The following PHTF2 variants were observed in gnomAD, a reference collection of about 807,000 sequenced individuals.
PHTF2 encodes putative homeodomain transcription factor 2, also known as protein PHTF2.
PHTF2 carries 60 observed loss-of-function variants against 101.2 expected under a neutral mutation model. The ratio of observed to expected loss-of-function variants is 0.59; its 90% CI spans 0.48 to 0.73. The LOEUF is 0.73. PHTF2 is among the 30% of genes least tolerant of loss of function. The probability of loss-of-function intolerance (pLI) is 0.00; values close to 1 mark genes in which losing one functional copy is unlikely to be tolerated. For missense variants in PHTF2, 747 were observed against 908.7 expected (o/e 0.82, Z 2.29); for synonymous variants, 311 against 307.3 (o/e 1.01, Z -0.13).
Position 77,922,788 on chromosome 7 carries a change from T to TAA in PHTF2, c.1119+10_1119+11insAA. 6.4e-7 allele frequency: 1 copy of TAA among 1,559,408 alleles called. No homozygotes were observed. The highest frequency in any genetic ancestry group is 8.8e-7 in the Non-Finnish European group (1 of 1,142,166). ...ACATTACCCTAATGAGGTATATACT[T>TAA]TGTCCTTAAGTGTATACATACGTAT... On this transcript the variant is annotated intron_variant, in intron 11 of 19. Coordinates refer to ENST00000416283, the Ensembl canonical transcript of PHTF2.
chr7:77,923,667 GTAGTGT>G (rs1410975328), intron 11 of PHTF2: 2 of 985,270 alleles, frequency 2.0e-6, no homozygotes, highest in Middle Eastern at 5.2e-4. Context: ...GTCATTTGAT[GTAGTGT>G]TTCTTGTTCC....
intron 3 of PHTF2, among the ~76,000 whole-genome samples, chr7:77,860,888 G>A (rs1366501146): frequency 6.6e-6 from 1 of 151,992 alleles, no homozygotes; most frequent in African/African-American, 2.4e-5. Flanking sequence ...GTGTATTGTA[G>A]TGATGGGGTC....
chr7:77,868,822 C>T (rs1033997854), intron 3 of PHTF2, among the ~76,000 whole-genome samples: 5 of 152,130 alleles, frequency 3.3e-5, no homozygotes, highest in Non-Finnish European at 7.4e-5. Flanking sequence ...TCAGTTTCCT[C>T]ACGTTTAAAA....
chr7:77,895,255 G>T (rs1393710355), intron 5 of PHTF2: 13 of 396,674 alleles, frequency 3.3e-5, no homozygotes, highest in Non-Finnish European at 5.9e-5. Flanking sequence ...TATAGCTATA[G>T]GAATGAGTAG....
intron 3 of PHTF2, among the ~76,000 whole-genome samples, chr7:77,880,216 T>C (rs563315558): frequency 1.3e-5 from 2 of 152,334 alleles, no homozygotes; most frequent in South Asian, 4.1e-4. Context: ...GAGTATGCCA[T>C]AATGTATTTA....
At chr7:77,810,959 A>G (rs1024977211) in intron 1 of PHTF2, among the ~76,000 whole-genome samples, 15 of 152,054 alleles carry the variant, frequency 9.9e-5, no homozygotes, top group African/African-American at 3.6e-4. Context: ...GCTGGAATGC[A>G]ATGGCGCCAG....
chr7:77,872,392 A>G (rs543311092), intron 3 of PHTF2, among the ~76,000 whole-genome samples: 1 of 152,308 alleles, frequency 6.6e-6, no homozygotes, highest in East Asian at 1.9e-4. Flanking sequence ...CCAGATTTGT[A>G]TAAACTAAGT....
At chr7:77,870,317 A>G (rs112597818) in intron 3 of PHTF2, among the ~76,000 whole-genome samples, 209 of 151,502 alleles carry the variant, frequency 1.4e-3, no homozygotes, top group African/African-American at 4.3e-3. Context: ...AAAATTATAT[A>G]TATGAGTTTA....
chr7:77,910,386 G>C, exon 9 of PHTF2: 1 of 1,612,692 alleles, frequency 6.2e-7, no homozygotes, highest in Non-Finnish European at 8.5e-7. Context: ...GAGATCTCTG[G>C]CATGCTGCTT....
chr7:77,945,961 A>C (rs1806018479), intron 16 of PHTF2, among the ~76,000 whole-genome samples: 1 of 152,210 alleles, frequency 6.6e-6, no homozygotes, highest in South Asian at 2.1e-4. Flanking sequence ...GATATTCTTC[A>C]ACTCATTTTG....
intron 1 of PHTF2, among the ~76,000 whole-genome samples, chr7:77,830,314 T>C (rs568888595): frequency 6.5e-4 from 99 of 152,356 alleles, no homozygotes; most frequent in Middle Eastern, 3.4e-3. Context: ...TGTATATACA[T>C]ACTTATGATA....
chr7:77,954,636 A>ATATATATATGTATGTG (rs1562982858), intron 19 of PHTF2, among the ~76,000 whole-genome samples: 1 of 145,558 alleles, frequency 6.9e-6, no homozygotes, highest in African/African-American at 2.5e-5. Context: ...ATATATATAT[A>ATATATATATGTATGTG]TATATATATA....
intron 1 of PHTF2, among the ~76,000 whole-genome samples, chr7:77,822,355 T>G (rs1032324517): frequency 1.3e-5 from 2 of 152,066 alleles, no homozygotes; most frequent in African/African-American, 4.8e-5. Flanking sequence ...AGAAGTTCAC[T>G]GGCTACTAAC....
chr7:77,798,842 C>A (rs1293826672), exon 1 of PHTF2: 1 of 152,466 alleles, frequency 6.6e-6, no homozygotes, highest in Admixed American at 6.5e-5. Flanking sequence ...GGTGGGGCAA[C>A]CCTCTGGAGG....
intron 5 of PHTF2, among the ~76,000 whole-genome samples, chr7:77,897,830 G>A (rs569350146): frequency 1.3e-5 from 2 of 152,068 alleles, no homozygotes; most frequent in South Asian, 4.2e-4. Context: ...ACAGGCGCCC[G>A]CTACCACGCC....
exon 14 of PHTF2, chr7:77,940,288 A>G: frequency 6.2e-7 from 1 of 1,610,878 alleles, no homozygotes; most frequent in Non-Finnish European, 8.5e-7. Context: ...TGTAGCAGAA[A>G]GAACTTATAA....
At chr7:77,908,252 C>G (rs1802048485) in intron 7 of PHTF2, among the ~76,000 whole-genome samples, 1 of 152,126 alleles carries the variant, frequency 6.6e-6, no homozygotes, top group African/African-American at 2.4e-5. Flanking sequence ...TCCAGAAAGT[C>G]TAAGGGATGC....
chr7:77,867,681 T>A (rs973525586), intron 3 of PHTF2, among the ~76,000 whole-genome samples: 2 of 152,224 alleles, frequency 1.3e-5, no homozygotes, highest in Admixed American at 1.3e-4. Flanking sequence ...AGGGCGCAGC[T>A]AAGGAGTTCT....
At chr7:77,909,542 A>G (rs1802179956) in intron 8 of PHTF2, 1 of 151,130 alleles carries the variant, frequency 6.6e-6, no homozygotes, top group Non-Finnish European at 1.5e-5. Flanking sequence ...TTTATTTTTT[A>G]TTTTTTGTAG....
Sources: gnomAD v4.1 joint callset for allele counts (sites outside exome capture counted in the v4.1 genomes callset) on GRCh38, gnomAD v4.1.1 for gene constraint, MANE v1.5 for transcripts, NCBI Gene and HGNC (gene_info 2026-07-23, HGNC 2026-07-21) for gene names.